The following PAK6 variants were observed in gnomAD, a reference collection of about 807,000 sequenced individuals.
The protein encoded by PAK6 is p21 (RAC1) activated kinase 6.
A neutral mutation model predicts 60.8 loss-of-function variants in PAK6; 33 were observed. That is an observed-to-expected ratio of 0.54 (90% CI 0.41 to 0.73). The LOEUF (loss-of-function observed/expected upper bound fraction) is 0.73, where lower values mean the gene tolerates loss of function less well. Ranked by LOEUF, PAK6 falls within the 30% of genes least tolerant of loss-of-function variation. The pLI, the probability that PAK6 is intolerant of heterozygous loss-of-function variation, is 0.00. For synonymous variants in PAK6, 404 were observed against 378.5 expected, an observed-to-expected ratio of 1.07 and a Z score of -0.78; for missense variants, 845 against 904.1, an observed-to-expected ratio of 0.93 and a Z score of 0.84.
At chr15:40,254,101 A>G (rs1046957445) in intron 3 of PAK6, among the ~76,000 whole-genome samples, 1 of 152,170 alleles carries the variant, frequency 6.6e-6, no homozygotes, top group Non-Finnish European at 1.5e-5. Flanking sequence ...TTTGGAACCG[A>G]AGAGAGTGGG....
intron 2 of PAK6, chr15:40,252,583 C>G: frequency 7.4e-7 from 1 of 1,357,120 alleles, no homozygotes; most frequent in Non-Finnish European, 9.8e-7. Context: ...GCTGCACCAA[C>G]GTGTAAGCGC....
At chr15:40,250,324 G>A (rs565463471) in intron 2 of PAK6, among the ~76,000 whole-genome samples, 8 of 152,308 alleles carry the variant, frequency 5.3e-5, no homozygotes, top group East Asian at 1.9e-4. Context: ...CGTGCAACCC[G>A]GTGCAGCTGA....
At chr15:40,273,995 C>G (rs1443082427) in intron 9 of PAK6, 147 bp from the exon 10 acceptor site, 6 of 924,424 alleles carry the variant, frequency 6.5e-6, no homozygotes, top group Non-Finnish European at 1.0e-5. Flanking sequence ...TAACTGGCCA[C>G]AGGGCAGGTG....
chr15:40,257,634 G>T (rs1263814922), intron 3 of PAK6, among the ~76,000 whole-genome samples: 1 of 152,242 alleles, frequency 6.6e-6, no homozygotes, highest in East Asian at 1.9e-4. Flanking sequence ...GTCTCGCACA[G>T]CAATGCTCAT....
At chr15:40,243,240 T>C (rs922986439) in intron 2 of PAK6, among the ~76,000 whole-genome samples, 2 of 152,186 alleles carry the variant, frequency 1.3e-5, no homozygotes, top group African/African-American at 4.8e-5. Flanking sequence ...GCAGCTTCTA[T>C]CTGCAGTTGC....
chr15:40,258,290 C>T (rs918242716), intron 3 of PAK6, among the ~76,000 whole-genome samples: 1 of 152,228 alleles, frequency 6.6e-6, no homozygotes, highest in East Asian at 1.9e-4. Context: ...TTCATAAAGA[C>T]CTCCAGAGAG....
rs538357855 is a variant in PAK6, at chr15:40,248,796, A to G, written c.-117-4382A>G. On this transcript the variant is annotated intron_variant, in intron 2 of 10. Coordinates refer to ENST00000560346, the Ensembl canonical transcript of PAK6. ...TGGGCAGTGATTTTTTTAAAACACA[A>G]ATGCCTTATATTAAGGTCTGAGTTG... Among the ~76,000 whole-genome samples, 407 of 152,280 alleles carry G rather than the reference A, an allele frequency of 2.7e-3. 4 individuals are homozygous for G. The highest frequency in any genetic ancestry group is 0.017 in the Middle Eastern group (5 of 294).
intron 3 of PAK6, among the ~76,000 whole-genome samples, chr15:40,261,444 G>A (rs2038983756): frequency 6.6e-6 from 1 of 152,008 alleles, no homozygotes; most frequent in Non-Finnish European, 1.5e-5. Flanking sequence ...GGCTAAGGCA[G>A]GAGAATCACT....
intron 3 of PAK6, among the ~76,000 whole-genome samples, chr15:40,255,244 C>A (rs898930930): frequency 6.6e-6 from 1 of 152,194 alleles, no homozygotes; most frequent in Non-Finnish European, 1.5e-5. Flanking sequence ...ACACAAGTGA[C>A]TGAATGAGCT....
intron 3 of PAK6, among the ~76,000 whole-genome samples, chr15:40,254,318 T>C (rs2038777467): frequency 6.6e-6 from 1 of 152,162 alleles, no homozygotes; most frequent in African/African-American, 2.4e-5. Flanking sequence ...CTGGAGAGCT[T>C]TGAGGGCAGT....
chr15:40,274,663 G>C (rs1337757326), intron 10 of PAK6, among the ~76,000 whole-genome samples: 6 of 152,250 alleles, frequency 3.9e-5, no homozygotes, highest in Admixed American at 3.9e-4. Flanking sequence ...CGTGTCGGGA[G>C]ATCCATACCA....
intron 2 of PAK6, chr15:40,252,642 G>A (rs375354593): frequency 2.3e-6 from 3 of 1,331,426 alleles, no homozygotes; most frequent in Non-Finnish European, 2.0e-6. Flanking sequence ...CGGAGGGCGG[G>A]CCCGGCTCCC....
chr15:40,273,678 TA>T lies in PAK6; in HGVS notation c.1743+4del, dbSNP rs1254934944. ...TCCAGGTCTTTGTATGCCACTGAGG[TA>T]ACCGTTCCCTCCACCCCCCAGACCT... is the stretch of plus-strand genomic sequence containing the variant. On this transcript the variant is annotated splice_donor_region_variant and intron_variant, in intron 9 of 10. Transcript: ENST00000560346. The T allele has an allele frequency of 1.2e-6, 2 of 1,612,968 alleles. No homozygotes were observed. The highest frequency in any genetic ancestry group is 1.7e-6 in the Non-Finnish European group (2 of 1,179,424).
intron 3 of PAK6, among the ~76,000 whole-genome samples, chr15:40,260,658 C>T (rs934455995): frequency 6.6e-6 from 1 of 152,086 alleles, no homozygotes; most frequent in African/African-American, 2.4e-5. Flanking sequence ...AGAATCAGTT[C>T]ATCAATTTCT....
At chr15:40,268,261 G>A (rs1465250010) in intron 5 of PAK6, among the ~76,000 whole-genome samples, 2 of 152,132 alleles carry the variant, frequency 1.3e-5, no homozygotes, top group African/African-American at 2.4e-5. Flanking sequence ...GCTCCGGGCC[G>A]GGGCTTCTCA....
At chr15:40,252,437 C>A (rs765624068) in intron 2 of PAK6, 24 of 1,358,476 alleles carry the variant, frequency 1.8e-5, no homozygotes, top group Non-Finnish European at 2.4e-5. Flanking sequence ...TTGAGCAGCA[C>A]GGCGCCCCTC....
chr15:40,275,057 G>A (rs2039410563), intron 10 of PAK6, among the ~76,000 whole-genome samples: 1 of 152,130 alleles, frequency 6.6e-6, no homozygotes, highest in Non-Finnish European at 1.5e-5. Flanking sequence ...CCCAAAATTA[G>A]CATATAAAGA....
chr15:40,273,583 G>C, exon 9 of PAK6: 4 of 1,614,056 alleles, frequency 2.5e-6, no homozygotes, highest in Non-Finnish European at 3.4e-6. Context: ...TCTGTGCTCA[G>C]ATCAGCAAAG....
At position 40,242,143 on chromosome 15, in the gene PAK6, A is replaced by C. The variant is rs1445606426; in HGVS notation, c.-118+1462A>C. Among the ~76,000 whole-genome samples, 3 of 152,112 alleles carry C rather than the reference A, an allele frequency of 2.0e-5. No homozygotes were observed. The East Asian group carries it at 5.8e-4, about 29-fold the overall frequency. On this transcript the variant is annotated intron_variant, in intron 2 of 10. Coordinates refer to ENST00000560346, the Ensembl canonical transcript of PAK6. ...AGGGGCCAGGGCAGGCTGAGCAGGAAAGGAAAAGGCTGCCTGGGGTCCTGA... is the reference window on the plus strand; with the variant it reads ...AGGGGCCAGGGCAGGCTGAGCAGGACAGGAAAAGGCTGCCTGGGGTCCTGA...
Sources: allele counts gnomAD v4.1 joint callset (sites outside exome capture counted in the v4.1 genomes callset), GRCh38; gene constraint gnomAD v4.1.1; transcripts MANE v1.5; gene names NCBI Gene and HGNC (gene_info 2026-07-23, HGNC 2026-07-21).